Variants in TCF12 observed in about 807,000 individuals in gnomAD.
TCF12 encodes the protein DNA-binding protein HTF4.
Under a neutral mutation model 86.0 loss-of-function variants are expected in TCF12, and 45 were observed. That is an observed-to-expected ratio of 0.52 (90% CI 0.41 to 0.67). The LOEUF (loss-of-function observed/expected upper bound fraction) is 0.67. Ranked by LOEUF, TCF12 falls within the 30% of genes least tolerant of loss-of-function variation. TCF12 has a pLI of 0.00. For synonymous variants in TCF12, 330 were observed against 299.6 expected (o/e 1.10, Z -1.05); for missense variants, 881 against 859.9 (o/e 1.02, Z -0.31).
Position 57,180,806 on chromosome 15 carries a change from A to ATTTTTTTTTTTTT in TCF12, c.391-11338_391-11326dup, listed in dbSNP as rs34557385. ...TTTTAATCATAAAATGATGCTAATA[A>ATTTTTTTTTTTTT]TTTTTTTTTTTTTTTTTTTTTTTTT... is the stretch of plus-strand genomic sequence containing the variant. On this transcript the variant is annotated intron_variant, in intron 6 of 20. Coordinates refer to ENST00000333725, the MANE Select transcript of TCF12 (RefSeq NM_207037.2). Among the ~76,000 whole-genome samples, 9 of 82,128 alleles carry ATTTTTTTTTTTTT rather than the reference A, an allele frequency of 1.1e-4. 2 individuals are homozygous for ATTTTTTTTTTTTT. Among genetic ancestry groups the ATTTTTTTTTTTTT allele is most frequent in the African/African-American group, 2.6e-4 (5 of 19,518 alleles). The allele number at this position is 82,128 out of a possible 152,430, so 53.9% of individuals were successfully genotyped here.
At chr15:57,180,846 G>C (rs181249385) in intron 6 of TCF12, among the ~76,000 whole-genome samples, 2 of 112,884 alleles carry the variant, frequency 1.8e-5, no homozygotes, top group Admixed American at 1.3e-4. Context: ...ATGGAGTCTC[G>C]CTCTGTCGCC....
chr15:56,989,884 G>A (rs2063357730), intron 3 of TCF12, among the ~76,000 whole-genome samples: 2 of 152,152 alleles, frequency 1.3e-5, no homozygotes, highest in East Asian at 1.9e-4. Flanking sequence ...AAATGTCAAG[G>A]TTGCTCTCCC....
chr15:56,940,524 C>G (rs2060693937), intron 3 of TCF12, among the ~76,000 whole-genome samples: 1 of 140,178 alleles, frequency 7.1e-6, no homozygotes, highest in African/African-American at 3.1e-5. Flanking sequence ...CCTCCTCCTT[C>G]TTCTTCTCCT....
intron 3 of TCF12, among the ~76,000 whole-genome samples, chr15:56,931,760 C>T (rs1465022060): frequency 6.6e-6 from 1 of 152,156 alleles, no homozygotes; most frequent in Admixed American, 6.5e-5. Context: ...CTCAGACCCA[C>T]TACTGTTTAA....
chr15:57,112,401 AG>A (rs1274968939), intron 5 of TCF12, among the ~76,000 whole-genome samples: 2 of 152,208 alleles, frequency 1.3e-5, no homozygotes, highest in African/African-American at 2.4e-5. Flanking sequence ...ATGTGGAGGA[AG>A]GAACACTACT....
At chr15:57,178,890 A>C (rs1310937239) in intron 6 of TCF12, among the ~76,000 whole-genome samples, 2 of 152,202 alleles carry the variant, frequency 1.3e-5, no homozygotes, top group Admixed American at 6.5e-5. Context: ...AATTATTCAA[A>C]TATTGCATAT....
chr15:57,279,091 C>T (rs2061561524), intron 19 of TCF12, among the ~76,000 whole-genome samples: 1 of 151,740 alleles, frequency 6.6e-6, no homozygotes, highest in Admixed American at 6.6e-5. Context: ...GCCTCCCAGG[C>T]TCAAGTGATC....
chr15:56,922,989 A>G (rs756674611), intron 3 of TCF12, among the ~76,000 whole-genome samples: 13 of 151,976 alleles, frequency 8.6e-5, no homozygotes, highest in African/African-American at 1.2e-4. Context: ...TATGTAATAC[A>G]CTCTAATGCC....
At chr15:57,001,077 C>T (rs1355958927) in intron 3 of TCF12, among the ~76,000 whole-genome samples, 11 of 140,770 alleles carry the variant, frequency 7.8e-5, no homozygotes, top group African/African-American at 2.6e-4. Context: ...AGTGCAGTGG[C>T]GCGATCTCGG....
At chr15:57,101,533 A>G (rs1567424136) in intron 5 of TCF12, among the ~76,000 whole-genome samples, 1 of 152,184 alleles carries the variant, frequency 6.6e-6, no homozygotes, top group East Asian at 1.9e-4. Context: ...TTCTGTGAAC[A>G]CTAGAACTTG....
chr15:56,960,430 ATTT>A (rs5812861), intron 3 of TCF12, among the ~76,000 whole-genome samples: 12 of 128,582 alleles, frequency 9.3e-5, no homozygotes, highest in South Asian at 2.5e-4. Context: ...ACTGTATTGT[ATTT>A]TTTTTTTTTT....
At chr15:57,251,249 G>T (rs1434329025) in intron 13 of TCF12, 101 bp from the exon 14 acceptor site, 27 of 963,344 alleles carry the variant, frequency 2.8e-5, no homozygotes, top group Admixed American at 6.7e-5. Flanking sequence ...AAATATTCAT[G>T]TAAATTTATT....
chr15:57,029,978 A>G (rs2066053086), intron 3 of TCF12, among the ~76,000 whole-genome samples: 1 of 152,142 alleles, frequency 6.6e-6, no homozygotes, highest in South Asian at 2.1e-4. Context: ...TTTTCATGTT[A>G]AAGGACATTT....
intron 8 of TCF12, chr15:57,219,359 T>A (rs1319917029): frequency 1.0e-5 from 13 of 1,280,974 alleles, no homozygotes; most frequent in Non-Finnish European, 1.2e-5. Context: ...CCTCCCTCTG[T>A]GCTCTGTGAG....
rs945530949 is a variant in TCF12 at position 57,259,111 on chromosome 15, A to G, written c.1468-2983A>G. 5.9e-5 allele frequency among the ~76,000 whole-genome samples: 9 copies of G among 152,264 alleles called. No individual in the cohort carries two copies. In the South Asian group the frequency reaches 6.2e-4, roughly 11 times the overall value. ...TTTTTATTTTTATTAAGACGACATTATAGTGCTTTTTTAAGGGTTTTGGTA... is the reference window on the plus strand; with the variant it reads ...TTTTTATTTTTATTAAGACGACATTGTAGTGCTTTTTTAAGGGTTTTGGTA... On this transcript the variant is annotated intron_variant, in intron 16 of 20. Coordinates refer to ENST00000333725, the MANE Select transcript of TCF12 (RefSeq NM_207037.2).
chr15:57,170,697 T>A (rs28403325), intron 6 of TCF12, among the ~76,000 whole-genome samples: 14,882 of 28,438 alleles, frequency 0.52, 3,000 homozygotes, highest in African/African-American at 0.66. Flanking sequence ...ATAATATATA[T>A]TATATATAAT....
intron 6 of TCF12, among the ~76,000 whole-genome samples, chr15:57,172,071 T>G (rs1306025958): frequency 6.6e-6 from 1 of 152,178 alleles, no homozygotes; most frequent in Non-Finnish European, 1.5e-5. Flanking sequence ...CTCTTAGTTG[T>G]TTGGAGATAA....
chr15:57,139,324 T>C (rs1171302299), intron 5 of TCF12, among the ~76,000 whole-genome samples: 1 of 152,182 alleles, frequency 6.6e-6, no homozygotes, highest in Non-Finnish European at 1.5e-5. Context: ...TTACATACAC[T>C]AAATTTTCAA....
At chr15:57,133,283 G>C (rs2151360021) in intron 5 of TCF12, among the ~76,000 whole-genome samples, 1 of 152,218 alleles carries the variant, frequency 6.6e-6, no homozygotes, top group East Asian at 1.9e-4. Context: ...TGCGTGCCTT[G>C]CTTAGCCTGC....
Sources: gnomAD v4.1 joint callset for allele counts (sites outside exome capture counted in the v4.1 genomes callset) on GRCh38, gnomAD v4.1.1 for gene constraint, MANE v1.5 for transcripts, NCBI Gene and HGNC (gene_info 2026-07-23, HGNC 2026-07-21) for gene names.